Variants in UGT1A8 observed in about 807,000 individuals in gnomAD.
UGT1A8 encodes UDP glucuronosyltransferase family 1 member A8.
In UGT1A8, 39 loss-of-function variants were observed where a neutral mutation model predicts 45.3. That is an observed-to-expected ratio of 0.86 (90% CI 0.67 to 1.12). The LOEUF (loss-of-function observed/expected upper bound fraction) is 1.12, where lower values mean the gene tolerates loss of function less well. Ranked by LOEUF, UGT1A8 falls within the 50% of genes most tolerant of loss-of-function variation. The probability of loss-of-function intolerance (pLI) is 0.00; values close to 1 mark genes in which losing one functional copy is unlikely to be tolerated. For synonymous variants in UGT1A8, 275 were observed against 249.2 expected (o/e 1.10, Z -0.97); for missense variants, 719 against 664.9 (o/e 1.08, Z -0.90).
intron 1 of UGT1A8, chr2:233,693,775 T>C (rs775225798): frequency 6.2e-7 from 1 of 1,614,262 alleles, no homozygotes; most frequent in South Asian, 1.1e-5. Context: ...TGTTAAGATA[T>C]GACTTTGTGC....
At chr2:233,681,977 G>A in intron 1 of UGT1A8, 1 of 1,614,190 alleles carries the variant, frequency 6.2e-7, no homozygotes, top group East Asian at 2.2e-5. Flanking sequence ...TCCCCTATAT[G>A]TGTGTCTACT....
intron 1 of UGT1A8, among the ~76,000 whole-genome samples, chr2:233,727,254 C>A (rs2077597251): frequency 6.6e-6 from 1 of 152,146 alleles, no homozygotes; most frequent in Admixed American, 6.5e-5. Flanking sequence ...CTGTGCAGCC[C>A]AGACCCCTCC....
rs1437510882 is a variant in UGT1A8 at position 233,713,518 on chromosome 2, T to C, written c.856-53516T>C. On this transcript the variant is annotated intron_variant, in intron 1 of 4. Transcript: ENST00000373450. ...CCTGCTGTGTTTTTCTTGAGGAACA[T>C]TCCATGTGATTTAGACTTTAAGGGC... is the stretch of plus-strand genomic sequence containing the variant. 3 of 1,613,936 alleles carry C rather than the reference T, an allele frequency of 1.9e-6. No individual in the cohort carries two copies. In the South Asian group the frequency reaches 3.3e-5, roughly 18 times the overall value.
At chr2:233,742,015 A>G (rs1575645503) in intron 1 of UGT1A8, 3 of 151,866 alleles carry the variant, frequency 2.0e-5, no homozygotes, top group African/African-American at 4.9e-5. Context: ...GCTTTCATCA[A>G]CCTAATTTGA....
chr2:233,719,363 C>T (rs569317540), intron 1 of UGT1A8: 1 of 1,613,942 alleles, frequency 6.2e-7, no homozygotes, highest in Non-Finnish European at 8.5e-7. Context: ...GTGACTTAGA[C>T]TTTAAGGGCA....
rs563410671 is a variant in UGT1A8 at position 233,637,482 on chromosome 2, A to C, written c.855+18920A>C. The C allele has an allele frequency of 5.7e-5, 85 of 1,498,192 alleles. No homozygotes were observed. In the African/African-American group the frequency reaches 1.0e-3, roughly 18 times the overall value. 92.8% of individuals were successfully genotyped at this position (1,498,192 alleles called of 1,614,324 possible). ...TGACATTTTCGTTTGTTGCATTTCA[A>C]ATTTCTTTCCAGTTTAACAAATTAT... On this transcript the variant is annotated intron_variant, in intron 1 of 4. Transcript: ENST00000373450.
At chr2:233,653,239 T>C (rs1197759817) in intron 1 of UGT1A8, among the ~76,000 whole-genome samples, 1 of 152,220 alleles carries the variant, frequency 6.6e-6, no homozygotes, top group East Asian at 1.9e-4. Flanking sequence ...AGGGGATTTA[T>C]TTGAAAAACA....
At chr2:233,771,579 A>G (rs974224388) in intron 4 of UGT1A8, 2 of 152,312 alleles carry the variant, frequency 1.3e-5, no homozygotes, top group Non-Finnish European at 2.9e-5. Flanking sequence ...GGTTGTTTAC[A>G]ACTTCAAATA....
At chr2:233,744,776 C>T (rs1406230141) in intron 1 of UGT1A8, among the ~76,000 whole-genome samples, 1 of 151,874 alleles carries the variant, frequency 6.6e-6, no homozygotes, top group African/African-American at 2.4e-5. Context: ...TTGCAAAATT[C>T]TCCTGAAAAA....
chr2:233,719,495 T>A, intron 1 of UGT1A8: 2 of 1,613,994 alleles, frequency 1.2e-6, no homozygotes, highest in Non-Finnish European at 1.7e-6. Context: ...ACATTTGCCA[T>A]ACTTTTTCTG....
At chr2:233,737,644 A>G (rs548345975) in intron 1 of UGT1A8, among the ~76,000 whole-genome samples, 1 of 152,248 alleles carries the variant, frequency 6.6e-6, no homozygotes, top group Admixed American at 6.5e-5. Context: ...TGCGTCGATC[A>G]TGCTGGGAGC....
chr2:233,668,717 A>G (rs911556966), intron 1 of UGT1A8, among the ~76,000 whole-genome samples: 1 of 152,170 alleles, frequency 6.6e-6, no homozygotes, highest in African/African-American at 2.4e-5. Flanking sequence ...TCTAGCACCT[A>G]TGTACATTTA....
chr2:233,656,324 T>C (rs1298600137), intron 1 of UGT1A8, among the ~76,000 whole-genome samples: 3 of 152,214 alleles, frequency 2.0e-5, no homozygotes, highest in Non-Finnish European at 2.9e-5. Flanking sequence ...AACCAGTCTG[T>C]GATCACCAGT....
chr2:233,687,498 TGAGGCACA>T (rs2074842350), intron 1 of UGT1A8, among the ~76,000 whole-genome samples: 2 of 147,610 alleles, frequency 1.4e-5, no homozygotes, highest in African/African-American at 5.0e-5. Context: ...ATGATGAAAC[TGAGGCACA>T]GAGGGGTTGA....
chr2:233,655,841 T>C (rs1427424593), intron 1 of UGT1A8, among the ~76,000 whole-genome samples: 1 of 152,244 alleles, frequency 6.6e-6, no homozygotes, highest in Non-Finnish European at 1.5e-5. Context: ...TAAGTATCAG[T>C]TCCCCCATCC....
chr2:233,693,574 C>T (rs745481050), intron 1 of UGT1A8: 30 of 1,614,190 alleles, frequency 1.9e-5, no homozygotes, highest in East Asian at 1.6e-4. Context: ...ACCCTGTGTC[C>T]TACATTCCCA....
intron 1 of UGT1A8, chr2:233,693,464 C>G: frequency 1.2e-6 from 2 of 1,614,126 alleles, no homozygotes; most frequent in South Asian, 1.1e-5. Flanking sequence ...CCCAGCCTTA[C>G]CCTGTGGGGT....
At chr2:233,664,618 G>C (rs530665977) in intron 1 of UGT1A8, among the ~76,000 whole-genome samples, 3 of 152,262 alleles carry the variant, frequency 2.0e-5, no homozygotes, top group East Asian at 3.9e-4. Flanking sequence ...AGAGAGAGTT[G>C]GTGGGGGAGG....
chr2:233,637,385 A>G, intron 1 of UGT1A8: 25 of 1,609,870 alleles, frequency 1.6e-5, no homozygotes, highest in Non-Finnish European at 2.1e-5. Flanking sequence ...ATGGTAAGTC[A>G]CCTCTCCTTT....
Sources: gnomAD v4.1 joint callset for allele counts (sites outside exome capture counted in the v4.1 genomes callset) on GRCh38, gnomAD v4.1.1 for gene constraint, MANE v1.5 for transcripts, NCBI Gene and HGNC (gene_info 2026-07-23, HGNC 2026-07-21) for gene names.